The following IL1RAP variants were observed in gnomAD, a reference collection of about 807,000 sequenced individuals.
IL1RAP encodes interleukin 1 receptor accessory protein, also known as interleukin-1 receptor accessory protein.
Under a neutral mutation model 60.7 loss-of-function variants are expected in IL1RAP, and 35 were observed. That is an observed-to-expected ratio of 0.58 (90% CI 0.44 to 0.76). The LOEUF is 0.76. IL1RAP is among the 30% of genes least tolerant of loss of function. The pLI, the probability that IL1RAP is intolerant of heterozygous loss-of-function variation, is 0.00. For missense variants in IL1RAP, 572 were observed against 693.9 expected (o/e 0.82, Z 1.97); for synonymous variants, 268 against 250.9 (o/e 1.07, Z -0.64).
At chr3:190,531,864 G>A (rs557955722) in intron 1 of IL1RAP, among the ~76,000 whole-genome samples, 1 of 152,274 alleles carries the variant, frequency 6.6e-6, no homozygotes, top group South Asian at 2.1e-4. Context: ...TTGAGACATG[G>A]ACTTAGGGGA....
Position 190,561,847 on chromosome 3 carries a change from G to A in IL1RAP, c.-1-2442G>A, listed in dbSNP as rs562559484. On this transcript the variant is annotated intron_variant, in intron 2 of 11. Coordinates refer to ENST00000447382, the MANE Select transcript of IL1RAP (RefSeq NM_002182.4). ...AAGCTAGGAAGATAGCAATTATTGT[G>A]ATAACAGATTCAGGAGCCAAAATGA... 7.2e-5 allele frequency among the ~76,000 whole-genome samples: 11 copies of A among 152,296 alleles called. No individual in the cohort carries two copies. In the South Asian group the frequency reaches 2.3e-3, roughly 32 times the overall value.
At chr3:190,586,113 G>A (rs1728433305) in intron 3 of IL1RAP, among the ~76,000 whole-genome samples, 3 of 152,114 alleles carry the variant, frequency 2.0e-5, no homozygotes, top group Admixed American at 6.6e-5. Context: ...TGAAGGCACC[G>A]ATGAGTGTCA....
chr3:190,641,047 C>G (rs1417500506), intron 9 of IL1RAP, among the ~76,000 whole-genome samples: 5 of 152,120 alleles, frequency 3.3e-5, no homozygotes, highest in African/African-American at 1.2e-4. Flanking sequence ...CTCACTGCAA[C>G]CTCCGCCTCC....
intron 5 of IL1RAP, chr3:190,615,166 A>G (rs1470095618): frequency 2.8e-5 from 9 of 325,906 alleles, no homozygotes; most frequent in Admixed American, 1.1e-4. Context: ...ACTGATGTTC[A>G]GCAAATATTT....
intron 3 of IL1RAP, among the ~76,000 whole-genome samples, chr3:190,580,376 C>A (rs1379733477): frequency 6.6e-6 from 1 of 152,144 alleles, no homozygotes; most frequent in African/African-American, 2.4e-5. Context: ...GGATGAAATG[C>A]TACTCTCATT....
At chr3:190,600,865 A>G (rs1178499745) in intron 3 of IL1RAP, among the ~76,000 whole-genome samples, 3 of 152,208 alleles carry the variant, frequency 2.0e-5, no homozygotes, top group African/African-American at 7.2e-5. Flanking sequence ...CTGCTGGTTT[A>G]GGATTTGTCT....
At position 190,569,803 on chromosome 3, in the gene IL1RAP, A is replaced by G. The variant is rs573277970; in HGVS notation, c.64+5450A>G. ...TGGTTCTTTTTCACATGGCTGTGTT[A>G]GTTAAAGGAAACCAGTATTTTTGTA... On this transcript the variant is annotated intron_variant, in intron 3 of 11. Coordinates refer to ENST00000447382, the MANE Select transcript of IL1RAP (RefSeq NM_002182.4). Among the ~76,000 whole-genome samples the G allele has an allele frequency of 3.3e-5, 5 of 152,340 alleles. No individual in the cohort carries two copies. In the South Asian group the frequency reaches 1.0e-3, roughly 32 times the overall value.
At chr3:190,584,663 CTGTT>C (rs1728294481) in intron 3 of IL1RAP, among the ~76,000 whole-genome samples, 1 of 152,148 alleles carries the variant, frequency 6.6e-6, no homozygotes, top group South Asian at 2.1e-4. Context: ...GGTGAAGTGT[CTGTT>C]AAAATATTTT....
Position 190,648,261 on chromosome 3 carries a change from A to T in IL1RAP, c.1346-77A>T, listed in dbSNP as rs1213409166. On this transcript the variant is annotated intron_variant, in intron 11 of 11. Transcript: ENST00000447382. ...CTTAGGCTGGTACCCTAAGTTCCCT[A>T]CATTTGCTCCTCAAGCCTCAATGCT... 5.3e-6 allele frequency: 8 copies of T among 1,514,122 alleles called. No individual in the cohort carries two copies. In the East Asian group the frequency reaches 1.8e-4, roughly 34 times the overall value. The allele number at this position is 1,514,122 out of a possible 1,614,324, so 93.8% of individuals were successfully genotyped here.
chr3:190,564,269 C>G lies in IL1RAP; in HGVS notation c.-1-20C>G. 1 of 1,552,442 alleles carries G rather than the reference C, an allele frequency of 6.4e-7. No individual in the cohort carries two copies. Among genetic ancestry groups the G allele is most frequent in the African/African-American group, 1.4e-5 (1 of 73,684 alleles). ...GAAAGTAGTAAGTGATTTCCCTTAC[C>G]TTTGTATTTATGGTTACAGGATGAC... On this transcript the variant is annotated intron_variant, in intron 2 of 11. Transcript: ENST00000447382.
chr3:190,519,151 T>G (rs1206936764), intron 1 of IL1RAP: 2 of 152,224 alleles, frequency 1.3e-5, no homozygotes, highest in Non-Finnish European at 2.9e-5. Flanking sequence ...AGATGATCTC[T>G]AAATTTCTTC....
intron 1 of IL1RAP, among the ~76,000 whole-genome samples, chr3:190,547,030 T>A (rs764052841): frequency 2.0e-5 from 3 of 152,186 alleles, no homozygotes; most frequent in African/African-American, 4.8e-5. Flanking sequence ...AAACCTCACA[T>A]AAGCACTGCT....
chr3:190,656,563 C>T, exon 12 of IL1RAP: 1 of 1,535,366 alleles, frequency 6.5e-7, no homozygotes, highest in Admixed American at 2.0e-5. Flanking sequence ...TGCTCTTCAT[C>T]ATTTCACGGA....
intron 1 of IL1RAP, among the ~76,000 whole-genome samples, chr3:190,541,980 A>T (rs899507386): frequency 6.6e-6 from 1 of 152,172 alleles, no homozygotes; most frequent in Non-Finnish European, 1.5e-5. Flanking sequence ...ACCCATTTAT[A>T]CAAGTGATGC....
chr3:190,583,430 T>C (rs1728175268), intron 3 of IL1RAP, among the ~76,000 whole-genome samples: 1 of 152,240 alleles, frequency 6.6e-6, no homozygotes, highest in Non-Finnish European at 1.5e-5. Flanking sequence ...TTTCTTTCTA[T>C]GTAGTTACTG....
chr3:190,576,833 G>A (rs1271388671), intron 3 of IL1RAP, among the ~76,000 whole-genome samples: 1 of 152,192 alleles, frequency 6.6e-6, no homozygotes, highest in Non-Finnish European at 1.5e-5. Flanking sequence ...TGTTACAATG[G>A]CCGGGCGCGG....
rs1200775636 is a variant in IL1RAP, at chr3:190,572,859, G to GTTTT, written c.64+8525_64+8528dup. ...TCAGCATGTCCAGGGTTAATGCTTT[G>GTTTT]TTTTTTTTTTTTTTTTTTTTTTGAG... On this transcript the variant is annotated intron_variant, in intron 3 of 11. Coordinates refer to ENST00000447382, the MANE Select transcript of IL1RAP (RefSeq NM_002182.4). 8.9e-3 allele frequency among the ~76,000 whole-genome samples: 348 copies of GTTTT among 39,030 alleles called. 102 individuals carry two copies. The highest frequency in any genetic ancestry group is 0.036 in the African/African-American group (301 of 8,262). 25.6% of individuals were successfully genotyped at this position (39,030 alleles called of 152,430 possible).
intron 6 of IL1RAP, among the ~76,000 whole-genome samples, chr3:190,622,091 T>G (rs1731826841): frequency 2.6e-5 from 4 of 152,136 alleles, no homozygotes; most frequent in African/African-American, 7.2e-5. Flanking sequence ...TTAACCAGCT[T>G]CCATACTAGA....
intron 5 of IL1RAP, among the ~76,000 whole-genome samples, chr3:190,614,403 G>A (rs1731083828): frequency 6.6e-6 from 1 of 151,982 alleles, no homozygotes; most frequent in Non-Finnish European, 1.5e-5. Context: ...TGTGCTTTAT[G>A]TTCATATGTA....
Sources: gnomAD v4.1 joint callset for allele counts (sites outside exome capture counted in the v4.1 genomes callset) on GRCh38, gnomAD v4.1.1 for gene constraint, MANE v1.5 for transcripts, NCBI Gene and HGNC (gene_info 2026-07-23, HGNC 2026-07-21) for gene names.